MAST4: variants seen among roughly 807,000 people sequenced by gnomAD.
The protein encoded by MAST4 is microtubule-associated serine/threonine-protein kinase 4.
A neutral mutation model predicts 162.7 loss-of-function variants in MAST4; 89 were observed. The ratio of observed to expected loss-of-function variants is 0.55; its 90% CI spans 0.46 to 0.65. The LOEUF (loss-of-function observed/expected upper bound fraction) is 0.65, where lower values mean the gene tolerates loss of function less well. Ranked by LOEUF, MAST4 falls within the 30% of genes least tolerant of loss-of-function variation. MAST4 has a pLI of 0.00. For synonymous variants in MAST4, 1,479 were observed against 1,361.1 expected (o/e 1.09, Z -1.91); for missense variants, 3,153 against 3,374.0 (o/e 0.93, Z 1.62).
At chr5:66,890,916 A>T (rs1762324176) in intron 3 of MAST4, among the ~76,000 whole-genome samples, 1 of 152,218 alleles carries the variant, frequency 6.6e-6, no homozygotes. Flanking sequence ...GTCACTGTGC[A>T]GTAAATGTGA....
intron 11 of MAST4, among the ~76,000 whole-genome samples, chr5:67,113,175 G>A (rs1316448993): frequency 3.3e-5 from 5 of 151,904 alleles, no homozygotes; most frequent in African/African-American, 7.3e-5. Context: ...TTAGCCGGGC[G>A]TGGTGGTGGG....
chr5:66,769,220 C>T (rs1244393493), intron 2 of MAST4, among the ~76,000 whole-genome samples: 1 of 152,054 alleles, frequency 6.6e-6, no homozygotes, highest in African/African-American at 2.4e-5. Context: ...AAGGGTCATT[C>T]ATAAGAGTGG....
At chr5:67,162,945 C>T (rs1468473552) in intron 28 of MAST4, among the ~76,000 whole-genome samples, 157 bp downstream of exon 28, 1 of 152,162 alleles carries the variant, frequency 6.6e-6, no homozygotes, top group East Asian at 1.9e-4. Context: ...TGTGGCTATT[C>T]TGACCAAACA....
chr5:66,739,429 A>G (rs1233113276), intron 1 of MAST4, among the ~76,000 whole-genome samples: 5 of 152,230 alleles, frequency 3.3e-5, no homozygotes, highest in African/African-American at 1.2e-4. Flanking sequence ...AGGGGTAGAA[A>G]TAGGTGGTAG....
intron 1 of MAST4, among the ~76,000 whole-genome samples, chr5:66,741,233 A>G (rs1311525241): frequency 1.3e-5 from 2 of 152,060 alleles, no homozygotes; most frequent in Non-Finnish European, 2.9e-5. Context: ...GGTCACTAAT[A>G]TGATAGACTA....
At chr5:66,995,445 C>T (rs890441613) in intron 4 of MAST4, among the ~76,000 whole-genome samples, 1 of 152,112 alleles carries the variant, frequency 6.6e-6, no homozygotes, top group East Asian at 1.9e-4. Context: ...ACTCTGTCTC[C>T]CAGGTTGGAG....
At chr5:66,685,488 A>G (rs575947799) in intron 1 of MAST4, among the ~76,000 whole-genome samples, 13 of 152,158 alleles carry the variant, frequency 8.5e-5, no homozygotes, top group Non-Finnish European at 1.8e-4. Flanking sequence ...ACAGTTGACA[A>G]TTTTGCTTTC....
chr5:66,973,243 G>C (rs1448095264), intron 4 of MAST4, among the ~76,000 whole-genome samples: 1 of 150,468 alleles, frequency 6.6e-6, no homozygotes, highest in Non-Finnish European at 1.5e-5. Context: ...CATTATATGG[G>C]CTATGTCAGC....
intron 1 of MAST4, among the ~76,000 whole-genome samples, chr5:66,752,407 G>A (rs1346906922): frequency 6.7e-6 from 1 of 148,790 alleles, no homozygotes; most frequent in South Asian, 2.3e-4. Context: ...CCCATCTCAT[G>A]TGCAGAGACA....
At chr5:66,711,133 G>C (rs539305786) in intron 1 of MAST4, among the ~76,000 whole-genome samples, 9 of 152,130 alleles carry the variant, frequency 5.9e-5, no homozygotes, top group African/African-American at 2.2e-4. Flanking sequence ...CAAATGCTGC[G>C]TCCATGAGGA....
chr5:66,683,812 C>T (rs376226975), intron 1 of MAST4, among the ~76,000 whole-genome samples: 65 of 152,238 alleles, frequency 4.3e-4, no homozygotes, highest in Middle Eastern at 3.4e-3. Flanking sequence ...AACCAGTAGG[C>T]CAAAGGTTGA....
intron 3 of MAST4, among the ~76,000 whole-genome samples, chr5:66,804,202 T>C (rs1561342789): frequency 6.6e-6 from 1 of 152,242 alleles, no homozygotes; most frequent in Non-Finnish European, 1.5e-5. Context: ...TATCTTTGTC[T>C]AGTTTTAATA....
intron 3 of MAST4, among the ~76,000 whole-genome samples, chr5:66,877,846 A>T (rs1157525698): frequency 1.3e-5 from 2 of 152,378 alleles, no homozygotes; most frequent in Non-Finnish European, 2.9e-5. Context: ...ATGATGCTGG[A>T]AAACAACGTC....
chr5:66,670,893 A>C lies in MAST4; in HGVS notation c.363+73875A>C, dbSNP rs533874872. Among the ~76,000 whole-genome samples the C allele has an allele frequency of 2.0e-5, 3 of 152,268 alleles. No individual in the cohort carries two copies. The East Asian group carries it at 5.8e-4, about 29-fold the overall frequency. The stretch of plus-strand genomic sequence containing the variant: ...TCTATTTACACTTAACATAATTATT[A>C]ATCGCGCCCTTTCGCTCTGAAGTGT... On this transcript the variant is annotated intron_variant, in intron 1 of 28. Coordinates refer to ENST00000403625, the MANE Select transcript of MAST4 (RefSeq NM_001164664.2).
chr5:66,894,991 T>C (rs1156737548), intron 3 of MAST4, among the ~76,000 whole-genome samples: 1 of 152,070 alleles, frequency 6.6e-6, no homozygotes, highest in Non-Finnish European at 1.5e-5. Flanking sequence ...AGTTAGAGAT[T>C]CTTCCTGGAG....
chr5:66,975,594 G>T (rs1748042756), intron 4 of MAST4, among the ~76,000 whole-genome samples: 1 of 152,188 alleles, frequency 6.6e-6, no homozygotes, highest in African/African-American at 2.4e-5. Flanking sequence ...AAGGACAAGT[G>T]TGTGTAAGGT....
chr5:66,919,481 TG>T (rs1352091069), intron 4 of MAST4, among the ~76,000 whole-genome samples: 1 of 151,732 alleles, frequency 6.6e-6, no homozygotes, highest in Admixed American at 6.6e-5. Flanking sequence ...GCCAACATGT[TG>T]AACCCCATCT....
chr5:66,801,281 C>T (rs1755906708), intron 3 of MAST4, among the ~76,000 whole-genome samples: 1 of 152,174 alleles, frequency 6.6e-6, no homozygotes, highest in South Asian at 2.1e-4. Flanking sequence ...AATTCGGTTG[C>T]CACCATCACC....
chr5:66,726,782 C>T, intron 1 of MAST4, among the ~76,000 whole-genome samples: 1 of 152,074 alleles, frequency 6.6e-6, no homozygotes, highest in East Asian at 1.9e-4. Context: ...AGTGTGAACC[C>T]TATTATGAAC....
Sources: allele counts gnomAD v4.1 joint callset (sites outside exome capture counted in the v4.1 genomes callset), GRCh38; gene constraint gnomAD v4.1.1; transcripts MANE v1.5; gene names NCBI Gene and HGNC (gene_info 2026-07-23, HGNC 2026-07-21).